RIMS4: variants seen among roughly 807,000 people sequenced by gnomAD.
RIMS4 encodes the protein regulating synaptic membrane exocytosis 4.
In RIMS4, 9 loss-of-function variants were observed where a neutral mutation model predicts 29.0. The observed-to-expected ratio is 0.31, with a 90% CI of 0.19 to 0.54. The LOEUF is 0.54. RIMS4 is among the 20% of genes least tolerant of loss of function. The pLI is 0.94. For synonymous variants in RIMS4, 130 were observed against 152.9 expected (o/e 0.85, Z 1.10); for missense variants, 193 against 365.7 (o/e 0.53, Z 3.85).
intron 2 of RIMS4, among the ~76,000 whole-genome samples, chr20:44,769,740 G>A (rs2066128594): frequency 6.6e-6 from 1 of 152,208 alleles, no homozygotes; most frequent in Non-Finnish European, 1.5e-5. Flanking sequence ...CCATTCACGA[G>A]GCTGAAGATG....
At chr20:44,781,360 G>A (rs1039274177) in intron 1 of RIMS4, among the ~76,000 whole-genome samples, 1 of 152,330 alleles carries the variant, frequency 6.6e-6, no homozygotes, top group East Asian at 1.9e-4. Flanking sequence ...GGGAGCTGAG[G>A]AGAAGGGTAA....
At chr20:44,795,430 T>C (rs981195243) in intron 1 of RIMS4, among the ~76,000 whole-genome samples, 1 of 151,858 alleles carries the variant, frequency 6.6e-6, no homozygotes, top group South Asian at 2.1e-4. Context: ...AGTCAGGAGA[T>C]CGAGACCATC....
At chr20:44,801,417 CAGTAAACTCCCCCGGG>C (rs751734804) in intron 1 of RIMS4, among the ~76,000 whole-genome samples, 19 of 152,168 alleles carry the variant, frequency 1.2e-4, no homozygotes, top group Non-Finnish European at 2.5e-4. Context: ...TAAACTGACT[CAGTAAACTCCCCCGGG>C]AGCATTTCCC....
At chr20:44,790,973 C>T (rs1331104490) in intron 1 of RIMS4, among the ~76,000 whole-genome samples, 1 of 152,234 alleles carries the variant, frequency 6.6e-6, no homozygotes. Context: ...TGCGCTGCCT[C>T]GTGCTGTCCC....
At chr20:44,786,843 A>C (rs2066210591) in intron 1 of RIMS4, among the ~76,000 whole-genome samples, 1 of 152,210 alleles carries the variant, frequency 6.6e-6, no homozygotes, top group Admixed American at 6.5e-5. Flanking sequence ...CTCAGACTAG[A>C]TGAGATTCAT....
intron 1 of RIMS4, among the ~76,000 whole-genome samples, chr20:44,779,056 T>A (rs2066172445): frequency 1.3e-5 from 2 of 152,342 alleles, no homozygotes; most frequent in South Asian, 4.1e-4. Context: ...TAACACACAC[T>A]GTCTTTCTGA....
chr20:44,809,066 T>TAAAA lies in RIMS4; in HGVS notation c.97+1105_97+1108dup, dbSNP rs540010757. Among the ~76,000 whole-genome samples the TAAAA allele has an allele frequency of 2.2e-3, 330 of 152,228 alleles. 2 individuals carry two copies. The highest frequency in any genetic ancestry group is 7.6e-3 in the African/African-American group (315 of 41,528). The stretch of plus-strand genomic sequence containing the variant: ...CAAAGACTCTCGGATTTTCACCTTA[T>TAAAA]AAAACACTGAACTCCACCCTCACAC... On this transcript the variant is annotated intron_variant, in intron 1 of 5. Coordinates refer to ENST00000372851, the MANE Select transcript of RIMS4 (RefSeq NM_182970.4).
chr20:44,802,754 C>T (rs2066282581), intron 1 of RIMS4, among the ~76,000 whole-genome samples: 1 of 152,190 alleles, frequency 6.6e-6, no homozygotes, highest in Non-Finnish European at 1.5e-5. Context: ...TTCTTCGGAC[C>T]TCAGTTCCCG....
Position 44,752,766 on chromosome 20 carries a change from C to CT in RIMS4, c.*3367dup, listed in dbSNP as rs1481471283. ...GCCCACAGCTGCTCCCATTCCCTCA[C>CT]TGCCCCAGGCAGGAGCTGGTGTTTC... On this transcript the variant is annotated 3_prime_UTR_variant, in exon 6 of 6. Transcript: ENST00000372851. 1 of 152,476 alleles carries CT rather than the reference C, an allele frequency of 6.6e-6. No homozygotes were observed. The highest frequency in any genetic ancestry group is 1.5e-5 in the Non-Finnish European group (1 of 68,228). The allele number at this position is 152,476 out of a possible 1,614,324, so 9.4% of individuals were successfully genotyped here.
chr20:44,771,473 G>C, intron 1 of RIMS4, 60 bp from the exon 2 acceptor site: 1 of 1,556,416 alleles, frequency 6.4e-7, no homozygotes, highest in Non-Finnish European at 8.7e-7. Context: ...GGGGGACAGA[G>C]AGAAGAGTCA....
chr20:44,771,174 C>A, intron 2 of RIMS4, 101 bp downstream of exon 2: 1 of 1,390,326 alleles, frequency 7.2e-7, no homozygotes, highest in Non-Finnish European at 9.6e-7. Flanking sequence ...GCTTTCACAG[C>A]CTGGAGCTGC....
intron 2 of RIMS4, among the ~76,000 whole-genome samples, chr20:44,764,063 CATTT>C (rs1450958296): frequency 1.2e-3 from 164 of 137,586 alleles, no homozygotes; most frequent in African/African-American, 3.8e-3. Flanking sequence ...TCCATCCATC[CATTT>C]ATCCATCCAT....
intron 1 of RIMS4, among the ~76,000 whole-genome samples, chr20:44,776,232 C>T (rs1235176760): frequency 6.6e-6 from 1 of 152,154 alleles, no homozygotes; most frequent in Admixed American, 6.5e-5. Flanking sequence ...GGTTGCACTC[C>T]AGCCTGGGTA....
chr20:44,776,879 G>A (rs926765841), intron 1 of RIMS4, among the ~76,000 whole-genome samples: 1 of 152,172 alleles, frequency 6.6e-6, no homozygotes, highest in Admixed American at 6.5e-5. Flanking sequence ...GATCGAGAAG[G>A]TTAAGTAACT....
chr20:44,803,711 G>A (rs1290659636), intron 1 of RIMS4, among the ~76,000 whole-genome samples: 1 of 152,248 alleles, frequency 6.6e-6, no homozygotes, highest in African/African-American at 2.4e-5. Context: ...GCTGTCAAGT[G>A]GAAATAGCAC....
Position 44,756,991 on chromosome 20 carries a change from G to A in RIMS4, c.498C>T (p.Ala166=). 2 of 1,614,066 alleles carry A rather than the reference G, an allele frequency of 1.2e-6. No individual in the cohort carries two copies. The highest frequency in any genetic ancestry group is 1.7e-4 in the Middle Eastern group (1 of 6,060). ...AYLLENGICI[A]KKKTKVARKS... ...TGCGAGCGACTTTGGTCTTCTTCTT[G>A]GCAATGCAGATGCCATTCTCTAGCA... The change falls in exon 5 of 6, where the codon GCC becomes GCT. Residue 166 remains alanine, a synonymous_variant. Coordinates refer to ENST00000372851, the MANE Select transcript of RIMS4 (RefSeq NM_182970.4). This position sits in a 1 kb window ranked among gnomAD's most constrained non-coding sequence, Gnocchi z 5.9.
chr20:44,764,138 TTATGC>T (rs1568895603), intron 2 of RIMS4, among the ~76,000 whole-genome samples: 23 of 17,106 alleles, frequency 1.3e-3, no homozygotes, highest in African/African-American at 2.8e-3. Context: ...ATCCATCCAT[TTATGC>T]ATCCATTTAT....
Position 44,756,879 on chromosome 20 carries a change from G to A in RIMS4, c.591+19C>T. 2 of 1,612,410 alleles carry A rather than the reference G, an allele frequency of 1.2e-6. No homozygotes were observed. Among genetic ancestry groups the A allele is most frequent in the Non-Finnish European group, 1.7e-6 (2 of 1,179,060 alleles). On this transcript the variant is annotated intron_variant, in intron 5 of 5. Transcript: ENST00000372851. The surrounding 1 kb of genome is among the most constrained non-coding windows in gnomAD (Gnocchi z 5.9). ...TGCTCGTGCACACACACACACGTGA[G>A]CGCGTCAATGCCCCTCACCTGGAGG...
At chr20:44,768,302 C>T (rs1416019860) in intron 2 of RIMS4, among the ~76,000 whole-genome samples, 1 of 152,210 alleles carries the variant, frequency 6.6e-6, no homozygotes, top group Non-Finnish European at 1.5e-5. Flanking sequence ...AAATGAAAAT[C>T]CTGTGCCTAC....
Sources: allele counts gnomAD v4.1 joint callset (sites outside exome capture counted in the v4.1 genomes callset), GRCh38; gene constraint gnomAD v4.1.1; non-coding constraint Gnocchi (gnomAD v3.1); transcripts MANE v1.5; gene names NCBI Gene and HGNC (gene_info 2026-07-23, HGNC 2026-07-21).